ATP6V0A4: variants seen among roughly 807,000 people sequenced by gnomAD.
ATP6V0A4 encodes V-type proton ATPase 116 kDa subunit a 4.
ATP6V0A4 carries 86 observed loss-of-function variants against 107.3 expected under a neutral mutation model. That is an observed-to-expected ratio of 0.80 (90% CI 0.67 to 0.96). ATP6V0A4 has a LOEUF of 0.96. Ranked by LOEUF, ATP6V0A4 falls within the 40% of genes least tolerant of loss-of-function variation. The pLI, the probability that ATP6V0A4 is intolerant of heterozygous loss-of-function variation, is 0.00. For synonymous variants in ATP6V0A4, 353 were observed against 381.4 expected, an observed-to-expected ratio of 0.93 and a Z score of 0.87; for missense variants, 908 against 1,045.6, an observed-to-expected ratio of 0.87 and a Z score of 1.81.
In ATP6V0A4 at chr7:138,747,316, C is replaced by T. The variant is rs554699940; in HGVS notation, c.1320+109G>A. The T allele has an allele frequency of 2.0e-4, 285 of 1,394,956 alleles. 2 individuals carry two copies. The African/African-American group carries it at 3.4e-3, about 17-fold the overall frequency. The allele number at this position is 1,394,956 out of a possible 1,614,324, so 86.4% of individuals were successfully genotyped here. ...GTTAATTTGGCTCTTTTTTACTTTC[C>T]TTCTCTCCTTTATTTTTCATAAAAA... On this transcript the variant is annotated intron_variant, in intron 13 of 21. Coordinates refer to ENST00000310018, the MANE Select transcript of ATP6V0A4 (RefSeq NM_020632.3).
intron 1 of ATP6V0A4, among the ~76,000 whole-genome samples, chr7:138,786,853 A>G (rs1425265992): frequency 6.6e-6 from 1 of 152,014 alleles, no homozygotes; most frequent in Non-Finnish European, 1.5e-5. Flanking sequence ...CTATAATAAT[A>G]TTTACTCCCA....
At chr7:138,737,766 T>TTC (rs1444992932) in intron 15 of ATP6V0A4, among the ~76,000 whole-genome samples, 1 of 147,406 alleles carries the variant, frequency 6.8e-6, no homozygotes, top group Non-Finnish European at 1.5e-5. Flanking sequence ...ATTTTTACTT[T>TTC]TTTTTTTTTT....
chr7:138,755,862 G>C (rs296911), intron 9 of ATP6V0A4, 80 bp from the exon 10 acceptor site: 1 of 1,567,656 alleles, frequency 6.4e-7, no homozygotes, highest in Non-Finnish European at 8.6e-7. Flanking sequence ...CTAAGACATC[G>C]TTTGCTGACT....
In ATP6V0A4 at chr7:138,709,716, A is replaced by G. The variant is rs200031399; in HGVS notation, c.2337T>C (p.Phe779=). 1.2e-6 allele frequency: 2 copies of G among 1,613,954 alleles called. No homozygotes were observed. The highest frequency in any genetic ancestry group is 4.5e-5 in the East Asian group (2 of 44,872). The change falls in exon 21 of 22, where the codon TTT becomes TTC. Residue 779 remains phenylalanine, a synonymous_variant. Coordinates refer to ENST00000310018, the MANE Select transcript of ATP6V0A4 (RefSeq NM_020632.3). ...GGACAGCAAATACGGCAAAAATAAT[A>G]AAAACCCCGACGATTCCTCCCCAGC... is the stretch of plus-strand genomic sequence containing the variant. The part of the protein sequence containing the change: ...TRGWGGIVGV[F]IIFAVFAVLT...
At chr7:138,778,030 C>T (rs1233933492) in intron 2 of ATP6V0A4, among the ~76,000 whole-genome samples, 1 of 152,132 alleles carries the variant, frequency 6.6e-6, no homozygotes, top group Non-Finnish European at 1.5e-5. Context: ...ATTCAGAGTC[C>T]TCAAGGGAAA....
Position 138,793,529 on chromosome 7 carries a change from A to G in ATP6V0A4, c.-121+4505T>C, listed in dbSNP as rs530088491. Reference sequence around the variant, plus strand: ...GAAAAATATGGATGTTCTGAACCACACAATTAGCACTCTTGATCTAATGGA... The same window carrying G: ...GAAAAATATGGATGTTCTGAACCACGCAATTAGCACTCTTGATCTAATGGA... On this transcript the variant is annotated intron_variant, in intron 1 of 21. Coordinates refer to ENST00000310018, the MANE Select transcript of ATP6V0A4 (RefSeq NM_020632.3). Among the ~76,000 whole-genome samples, 27 of 152,304 alleles carry G rather than the reference A, an allele frequency of 1.8e-4. 1 individual carries two copies. Among genetic ancestry groups the G allele is most frequent in the African/African-American group, 6.5e-4 (27 of 41,560 alleles).
intron 17 of ATP6V0A4, among the ~76,000 whole-genome samples, chr7:138,732,594 G>A (rs1159677619): frequency 6.6e-6 from 1 of 152,066 alleles, no homozygotes; most frequent in African/African-American, 2.4e-5. Flanking sequence ...ATGAGTTCGA[G>A]AGCAGCCTGG....
At chr7:138,751,028 A>G (rs1443802836) in intron 11 of ATP6V0A4, among the ~76,000 whole-genome samples, 1 of 151,632 alleles carries the variant, frequency 6.6e-6, no homozygotes, top group Non-Finnish European at 1.5e-5. Context: ...CAACCTTCCC[A>G]TGCTATCAAT....
chr7:138,710,029 T>C (rs895977511), intron 20 of ATP6V0A4, among the ~76,000 whole-genome samples: 2 of 151,244 alleles, frequency 1.3e-5, no homozygotes, highest in African/African-American at 4.9e-5. Context: ...TATTATTATT[T>C]TATTATTATT....
At chr7:138,739,832 G>T in intron 14 of ATP6V0A4, 199 bp from the exon 15 acceptor site, 1 of 485,508 alleles carries the variant, frequency 2.1e-6, no homozygotes, top group Non-Finnish European at 2.7e-6. Context: ...AGAGATCTCA[G>T]CCTGATGTGC....
intron 21 of ATP6V0A4, among the ~76,000 whole-genome samples, chr7:138,709,382 A>G (rs1330431902): frequency 1.3e-5 from 2 of 152,002 alleles, no homozygotes; most frequent in Non-Finnish European, 2.9e-5. Flanking sequence ...ATGAGAACTA[A>G]CATATATGAG....
rs1317923245 is a variant in ATP6V0A4, at chr7:138,763,052, G to A, written c.292-27C>T. The A allele has an allele frequency of 2.5e-6, 4 of 1,613,514 alleles. No homozygotes were observed. The South Asian group carries it at 4.4e-5, about 18-fold the overall frequency. On this transcript the variant is annotated intron_variant, in intron 5 of 21. Coordinates refer to ENST00000310018, the MANE Select transcript of ATP6V0A4 (RefSeq NM_020632.3). Reference sequence around the variant, plus strand: ...TATGCAGGAAGGAAAAAGAAGGTAAGCCAACAGAAAGTGCTATGACATTCC... The same window carrying A: ...TATGCAGGAAGGAAAAAGAAGGTAAACCAACAGAAAGTGCTATGACATTCC...
intron 19 of ATP6V0A4, among the ~76,000 whole-genome samples, chr7:138,720,375 G>C (rs988787539): frequency 1.3e-5 from 2 of 152,156 alleles, no homozygotes; most frequent in African/African-American, 4.8e-5. Flanking sequence ...GCCCAAGCAA[G>C]GGCAGCCTGC....
At chr7:138,793,019 C>G (rs914126867) in intron 1 of ATP6V0A4, among the ~76,000 whole-genome samples, 1 of 152,028 alleles carries the variant, frequency 6.6e-6, no homozygotes, top group Non-Finnish European at 1.5e-5. Context: ...GAAGGCTGGG[C>G]GCAGTGGCTC....
intron 20 of ATP6V0A4, among the ~76,000 whole-genome samples, chr7:138,712,568 A>G (rs1245778022): frequency 6.6e-6 from 1 of 152,156 alleles, no homozygotes; most frequent in Non-Finnish European, 1.5e-5. Context: ...AGTGGTAGAA[A>G]AGGAACCAGA....
intron 19 of ATP6V0A4, among the ~76,000 whole-genome samples, chr7:138,717,909 G>GAAA (rs55813379): frequency 0.22 from 15,026 of 69,148 alleles, 1,284 homozygotes; most frequent in Non-Finnish European, 0.26. Flanking sequence ...CTCTGTCTCG[G>GAAA]AAAAAAAAAA....
At chr7:138,769,310 T>C in intron 3 of ATP6V0A4, 59 bp from the exon 4 acceptor site, 2 of 1,546,068 alleles carry the variant, frequency 1.3e-6, no homozygotes, top group Non-Finnish European at 1.7e-6. Context: ...ATAGATTTCT[T>C]TCTTTTTTTT....
intron 7 of ATP6V0A4, among the ~76,000 whole-genome samples, chr7:138,760,564 GAAA>G (rs992741046): frequency 6.6e-6 from 1 of 151,884 alleles, no homozygotes; most frequent in Non-Finnish European, 1.5e-5. Flanking sequence ...TACTAAGAGG[GAAA>G]AATACATTGA....
chr7:138,714,184 C>G (rs1483051464), intron 20 of ATP6V0A4, among the ~76,000 whole-genome samples: 1 of 146,304 alleles, frequency 6.8e-6, no homozygotes, highest in Non-Finnish European at 1.5e-5. Context: ...AGTTCGAGGC[C>G]GTGATAGCGC....
Sources: allele counts gnomAD v4.1 joint callset (sites outside exome capture counted in the v4.1 genomes callset), GRCh38; gene constraint gnomAD v4.1.1; transcripts MANE v1.5; gene names NCBI Gene and HGNC (gene_info 2026-07-23, HGNC 2026-07-21).